The following SGCZ variants were observed in gnomAD, a reference collection of about 807,000 sequenced individuals.
SGCZ encodes sarcoglycan zeta, also known as zeta-sarcoglycan.
A neutral mutation model predicts 41.3 loss-of-function variants in SGCZ; 40 were observed. The ratio of observed to expected loss-of-function variants is 0.97; its 90% CI spans 0.75 to 1.26. The LOEUF (loss-of-function observed/expected upper bound fraction) is 1.26. SGCZ is among the 50% of genes most tolerant of loss of function. The pLI is 0.00. For missense variants in SGCZ, 552 were observed against 369.8 expected (o/e 1.49, Z -4.04); for synonymous variants, 206 against 137.5 (o/e 1.50, Z -3.49).
chr8:14,336,210 T>G (rs1802500245), intron 2 of SGCZ, among the ~76,000 whole-genome samples: 2 of 152,278 alleles, frequency 1.3e-5, no homozygotes, highest in African/African-American at 4.8e-5. Flanking sequence ...GATAATGGCC[T>G]CTAGTTCCAT....
intron 1 of SGCZ, among the ~76,000 whole-genome samples, chr8:15,005,639 A>ATTTT (rs10688133): frequency 4.9e-5 from 7 of 143,232 alleles, no homozygotes; most frequent in Non-Finnish European, 7.7e-5. Context: ...GCAATCCCCC[A>ATTTT]TTTTTTTTCT....
intron 1 of SGCZ, among the ~76,000 whole-genome samples, chr8:14,668,300 G>A (rs191259180): frequency 6.4e-4 from 98 of 152,168 alleles, no homozygotes; most frequent in Middle Eastern, 3.4e-3. Context: ...GCTCATAGGC[G>A]GAAATCTCTG....
intron 1 of SGCZ, among the ~76,000 whole-genome samples, chr8:15,005,597 G>T (rs1401253456): frequency 6.6e-6 from 1 of 150,840 alleles, no homozygotes. Flanking sequence ...CTCCCAAAGT[G>T]CTGGGATGAC....
intron 2 of SGCZ, among the ~76,000 whole-genome samples, chr8:14,327,967 G>A (rs28592180): frequency 0.015 from 2,257 of 152,270 alleles, 57 homozygotes; most frequent in African/African-American, 0.051. Context: ...TTTTAGTAGA[G>A]ACAGGGTTTC....
intron 1 of SGCZ, among the ~76,000 whole-genome samples, chr8:15,055,751 C>G (rs975806685): frequency 3.3e-5 from 5 of 152,126 alleles, no homozygotes; most frequent in African/African-American, 9.7e-5. Context: ...TCTATCACAT[C>G]CTTGAGATGC....
chr8:15,058,221 C>T (rs1804787118), intron 1 of SGCZ, among the ~76,000 whole-genome samples: 1 of 152,060 alleles, frequency 6.6e-6, no homozygotes, highest in African/African-American at 2.4e-5. Context: ...AGGGGTGGAA[C>T]CATAGCTCAT....
chr8:14,835,816 T>G (rs1200636558), intron 1 of SGCZ, among the ~76,000 whole-genome samples: 1 of 152,206 alleles, frequency 6.6e-6, no homozygotes, highest in Non-Finnish European at 1.5e-5. Flanking sequence ...TTATGTCAGT[T>G]GCTGGGAAAT....
intron 2 of SGCZ, among the ~76,000 whole-genome samples, chr8:14,325,745 C>CATATATAT (rs1802078502): frequency 7.8e-5 from 2 of 25,492 alleles, no homozygotes; most frequent in Non-Finnish European, 1.2e-4. Flanking sequence ...CACACACACA[C>CATATATAT]ACATATATAT....
intron 5 of SGCZ, among the ~76,000 whole-genome samples, chr8:14,151,148 G>A (rs1160189055): frequency 6.6e-6 from 1 of 151,962 alleles, no homozygotes. Flanking sequence ...TAACTTAATT[G>A]CACATTTTAA....
At chr8:15,187,688 T>C (rs958082124) in intron 1 of SGCZ, among the ~76,000 whole-genome samples, 2 of 152,012 alleles carry the variant, frequency 1.3e-5, no homozygotes, top group South Asian at 2.1e-4. Flanking sequence ...CCATAACTTA[T>C]TAACTTAAAA....
At chr8:14,135,149 G>A (rs1421460808) in intron 5 of SGCZ, among the ~76,000 whole-genome samples, 1 of 152,082 alleles carries the variant, frequency 6.6e-6, no homozygotes, top group Admixed American at 6.5e-5. Context: ...GCTTTCTACT[G>A]TGTTTCCTAG....
In SGCZ at chr8:14,164,613, T is replaced by C. The variant is rs201499917; in HGVS notation, c.514A>G (p.Ile172Val). 1.2e-6 allele frequency: 2 copies of C among 1,613,514 alleles called. No homozygotes were observed. Among genetic ancestry groups the C allele is most frequent in the East Asian group, 2.2e-5 (1 of 44,846 alleles). The change falls in exon 5 of 8, where the codon ATT (isoleucine) becomes GTT (valine). Residue 172 changes from isoleucine (I) to valine (V), a missense_variant. Ile to Val is a conservative substitution (Grantham distance 29). Coordinates refer to ENST00000382080, the MANE Select transcript of SGCZ (RefSeq NM_139167.4). ...RVLFSADEDEITIGAEKLKVT... is the reference protein window; with the variant it reads ...RVLFSADEDEVTIGAEKLKVT... ...TTCAGCTTTTCAGCCCCAATGGTAA[T>C]CTCATCTTCATCTGCAGAAAACAGC...
At chr8:14,314,702 G>A (rs975952207) in intron 3 of SGCZ, among the ~76,000 whole-genome samples, 2 of 152,132 alleles carry the variant, frequency 1.3e-5, no homozygotes, top group Non-Finnish European at 2.9e-5. Context: ...GGGCATATCT[G>A]AGCCACACAA....
intron 1 of SGCZ, among the ~76,000 whole-genome samples, chr8:14,775,465 G>C (rs201001335): frequency 0.43 from 51,852 of 120,364 alleles, 10,311 homozygotes; most frequent in Non-Finnish European, 0.55. Flanking sequence ...ATTTGAGTGT[G>C]TGTGTGTGTG....
intron 1 of SGCZ, among the ~76,000 whole-genome samples, chr8:15,179,219 T>C (rs7819979): frequency 6.6e-6 from 1 of 152,124 alleles, no homozygotes. Context: ...AATAATAAAA[T>C]AATGAAAGTT....
intron 1 of SGCZ, among the ~76,000 whole-genome samples, chr8:14,882,394 C>T (rs562025110): frequency 3.9e-4 from 59 of 152,188 alleles, no homozygotes; most frequent in African/African-American, 1.3e-3. Context: ...TCACAACATG[C>T]CTATCAGATT....
chr8:14,124,790 C>T (rs537948087), intron 5 of SGCZ, among the ~76,000 whole-genome samples: 1 of 152,192 alleles, frequency 6.6e-6, no homozygotes, highest in African/African-American at 2.4e-5. Flanking sequence ...AATAACCTAG[C>T]TACAAAATAA....
intron 1 of SGCZ, among the ~76,000 whole-genome samples, chr8:14,950,873 A>G (rs1800612380): frequency 6.6e-6 from 1 of 152,096 alleles, no homozygotes; most frequent in Admixed American, 6.6e-5. Context: ...ATAGTTCATA[A>G]CAGAAATAAT....
intron 2 of SGCZ, among the ~76,000 whole-genome samples, chr8:14,409,988 C>G (rs538680487): frequency 8.5e-5 from 13 of 152,192 alleles, no homozygotes; most frequent in South Asian, 6.2e-4. Flanking sequence ...GGCCACGGAC[C>G]AGTAACCCTC....
Sources: allele counts gnomAD v4.1 joint callset (sites outside exome capture counted in the v4.1 genomes callset), GRCh38; gene constraint gnomAD v4.1.1; transcripts MANE v1.5; gene names NCBI Gene and HGNC (gene_info 2026-07-23, HGNC 2026-07-21).